NCDN: variants seen among roughly 807,000 people sequenced by gnomAD.
NCDN encodes the protein neurochondrin, also known as norbin.
Under a neutral mutation model 60.7 loss-of-function variants are expected in NCDN, and 9 were observed. The observed-to-expected ratio is 0.15, with a 90% CI of 0.09 to 0.26. NCDN has a LOEUF of 0.26. Ranked by LOEUF, NCDN falls within the 10% of genes least tolerant of loss-of-function variation. NCDN has a pLI of 1.00. For synonymous variants in NCDN, 409 were observed against 442.5 expected (o/e 0.92, Z 0.95); for missense variants, 578 against 975.2 (o/e 0.59, Z 5.42).
chr1:35,559,546 A>C (rs1648627508), intron 2 of NCDN, among the ~76,000 whole-genome samples: 1 of 152,102 alleles, frequency 6.6e-6, no homozygotes, highest in South Asian at 2.1e-4. Context: ...TAACTAGTGC[A>C]GAGTACTTGA....
chr1:35,564,999 T>C (rs1048224844), intron 6 of NCDN, among the ~76,000 whole-genome samples: 1 of 152,062 alleles, frequency 6.6e-6, no homozygotes, highest in Non-Finnish European at 1.5e-5. Flanking sequence ...TCACAACAAA[T>C]TTCTAAGATG....
Position 35,560,862 on chromosome 1 carries a change from G to A in NCDN, c.711G>A (p.Lys237=), listed in dbSNP as rs1165233398. The A allele has an allele frequency of 1.2e-6, 2 of 1,614,200 alleles. No homozygotes were observed. Among genetic ancestry groups the A allele is most frequent in the South Asian group, 1.1e-5 (1 of 91,086 alleles). ...EDFQKAEDAS[K]FELCQLLPLF... ...TCCAGAAAGCTGAGGATGCCAGCAA[G>A]TTTGAGCTCTGCCAGCTGCTGCCCC... Residue 237 remains lysine (K), a synonymous_variant, in exon 3 of 7, where the codon AAG becomes AAA. Coordinates refer to ENST00000373243, the MANE Select transcript of NCDN (RefSeq NM_014284.3). The surrounding 1 kb of genome is among the most constrained non-coding windows in gnomAD (Gnocchi z 7.6).
In NCDN at chr1:35,561,166, G is replaced by A; in HGVS notation, c.1015G>A (p.Ala339Thr). ...VKEDVVTACY[A>T]LMELGIQECT... ...AGAGGATGTGGTGACCGCCTGCTATGCCCTCATGGAGTTGGGGATCCAGGA... is the reference window on the plus strand; with the variant it reads ...AGAGGATGTGGTGACCGCCTGCTATACCCTCATGGAGTTGGGGATCCAGGA... The change falls in exon 3 of 7, where the codon GCC becomes ACC. Residue 339 changes from alanine to threonine, a missense_variant. By Grantham distance (58) the Ala-to-Thr change is moderately conservative. Coordinates refer to ENST00000373243, the MANE Select transcript of NCDN (RefSeq NM_014284.3). The surrounding 1 kb of genome is among the most constrained non-coding windows in gnomAD (Gnocchi z 4.9). 6.2e-7 allele frequency: 1 copy of A among 1,608,054 alleles called. No individual in the cohort carries two copies. Among genetic ancestry groups the A allele is most frequent in the East Asian group, 2.2e-5 (1 of 44,672 alleles).
Position 35,563,919 on chromosome 1 carries a change from G to A in NCDN, c.1753+10G>A. 2 of 1,612,598 alleles carry A rather than the reference G, an allele frequency of 1.2e-6. No individual in the cohort carries two copies. The highest frequency in any genetic ancestry group is 1.7e-6 in the Non-Finnish European group (2 of 1,179,218). ...CTTAGCACCTCTCCAGGTAAGAACT[G>A]GGGATCCAGTCCTGATGGGTGAGGA... On this transcript the variant is annotated intron_variant, in intron 6 of 6. Transcript: ENST00000373243. The surrounding 1 kb of genome is among the most constrained non-coding windows in gnomAD (Gnocchi z 6.6).
In NCDN at chr1:35,562,749, A is replaced by C; in HGVS notation, c.1385+116A>C. 1 of 1,369,024 alleles carries C rather than the reference A, an allele frequency of 7.3e-7. No homozygotes were observed. Among genetic ancestry groups the C allele is most frequent in the Non-Finnish European group, 9.7e-7 (1 of 1,025,642 alleles). 84.8% of individuals were successfully genotyped at this position (1,369,024 alleles called of 1,614,324 possible). A position where few individuals can be genotyped will look rare whatever the true frequency, so the allele number is the denominator to read the frequency against. On this transcript the variant is annotated intron_variant, in intron 4 of 6. Coordinates refer to ENST00000373243, the MANE Select transcript of NCDN (RefSeq NM_014284.3). This position sits in a 1 kb window ranked among gnomAD's most constrained non-coding sequence, Gnocchi z 6.8. ...AGGCTTCCTGATTGGGCCATGAGAT[A>C]TCCCTTAGGGTTATTTCTGTTTTGG...
In NCDN at chr1:35,561,018, A is replaced by C; in HGVS notation, c.867A>C (p.Ala289=). The change falls in exon 3 of 7, where the codon GCA becomes GCC. Residue 289 remains alanine (A), a synonymous_variant. Coordinates refer to ENST00000373243, the MANE Select transcript of NCDN (RefSeq NM_014284.3). The surrounding 1 kb of genome is among the most constrained non-coding windows in gnomAD (Gnocchi z 4.9). ...CACTGAAGCTGGCAGCCCGCCTGGC[A>C]CACGCCTGCGGCTCCGACTGGATCC... ...NPALKLAARL[A]HACGSDWIPA... is the part of the protein sequence containing the mutation. The C allele has an allele frequency of 2.5e-6, 4 of 1,612,852 alleles. 1 individual carries two copies. The Middle Eastern group carries it at 6.6e-4, about 266-fold the overall frequency.
Position 35,560,291 on chromosome 1 carries a change from C to G in NCDN, c.175-35C>G. On this transcript the variant is annotated intron_variant, in intron 2 of 6. Transcript: ENST00000373243. The surrounding 1 kb of genome is among the most constrained non-coding windows in gnomAD (Gnocchi z 7.6). ...AGAGGGACAGTCTTTCCCACTTCTT[C>G]CTTTCATCCTGATGATAGCACATAC... 6.3e-7 allele frequency: 1 copy of G among 1,590,188 alleles called. No homozygotes were observed. Among genetic ancestry groups the G allele is most frequent in the Non-Finnish European group, 8.6e-7 (1 of 1,167,894 alleles).
chr1:35,562,713 T>G lies in NCDN; in HGVS notation c.1385+80T>G. On this transcript the variant is annotated intron_variant, in intron 4 of 6. Transcript: ENST00000373243. The surrounding 1 kb of genome is among the most constrained non-coding windows in gnomAD (Gnocchi z 6.8). ...CACAAGGACACCCCTCCCCACAAAC[T>G]GAGCTGTGCCAGGCTTCCTGATTGG... 8 of 1,500,888 alleles carry G rather than the reference T, an allele frequency of 5.3e-6. No homozygotes were observed. The highest frequency in any genetic ancestry group is 7.2e-6 in the Non-Finnish European group (8 of 1,118,754). 93.0% of individuals were successfully genotyped at this position (1,500,888 alleles called of 1,614,324 possible). A position where few individuals can be genotyped will look rare whatever the true frequency, so the allele number is the denominator to read the frequency against.
At chr1:35,559,510 A>C (rs1480310217) in intron 2 of NCDN, among the ~76,000 whole-genome samples, 6 of 152,012 alleles carry the variant, frequency 3.9e-5, no homozygotes, top group Non-Finnish European at 5.9e-5. Context: ...ATGGAAGCTG[A>C]CTCATAGGGT....
intron 6 of NCDN, among the ~76,000 whole-genome samples, chr1:35,564,593 G>A (rs981325206): frequency 6.6e-5 from 10 of 152,170 alleles, no homozygotes; most frequent in Admixed American, 1.3e-4. Context: ...AGGGTACCCC[G>A]TCATGGGAAG....
chr1:35,558,430 G>A lies in NCDN; in HGVS notation c.33+207G>A. 5 of 1,438,186 alleles carry A rather than the reference G, an allele frequency of 3.5e-6. No homozygotes were observed. The highest frequency in any genetic ancestry group is 2.7e-5 in the Admixed American group (1 of 37,158). 89.1% of individuals were successfully genotyped at this position (1,438,186 alleles called of 1,614,324 possible). On this transcript the variant is annotated intron_variant, in intron 1 of 6. Transcript: ENST00000373243. This position sits in a 1 kb window ranked among gnomAD's most constrained non-coding sequence, Gnocchi z 6.3. Reference sequence around the variant, plus strand: ...GCAAGGGGTTAATTCTGCTGCTGCCGCCGCCGCTGCTGCTGCTGCTGCAGC... The same window carrying A: ...GCAAGGGGTTAATTCTGCTGCTGCCACCGCCGCTGCTGCTGCTGCTGCAGC...
Position 35,565,312 on chromosome 1 carries a change from G to T in NCDN, c.1839G>T (p.Pro613=). 1 of 1,614,106 alleles carries T rather than the reference G, an allele frequency of 6.2e-7. No homozygotes were observed. The highest frequency in any genetic ancestry group is 2.2e-5 in the East Asian group (1 of 44,880). ...AGTCCCACGTGGCGCGGGCCACCCCGGGCTCAGACCAGGCAGTGCTAGCCC... is the reference window on the plus strand; with the variant it reads ...AGTCCCACGTGGCGCGGGCCACCCCTGGCTCAGACCAGGCAGTGCTAGCCC... ...LSQSHVARAT[P]GSDQAVLALS... Residue 613 remains proline (P), a synonymous_variant, in exon 7 of 7, where the codon CCG becomes CCT. Coordinates refer to ENST00000373243, the MANE Select transcript of NCDN (RefSeq NM_014284.3). This position sits in a 1 kb window ranked among gnomAD's most constrained non-coding sequence, Gnocchi z 8.9.
chr1:35,559,304 G>A, intron 2 of NCDN, 57 bp downstream of exon 2: 5 of 1,609,872 alleles, frequency 3.1e-6, no homozygotes, highest in Non-Finnish European at 3.4e-6. Flanking sequence ...GGGCCCCCAA[G>A]GAATGGGGTC....
In NCDN at chr1:35,562,335, G is replaced by T. The variant is rs1411897238; in HGVS notation, c.1144-57G>T. 7 of 1,581,662 alleles carry T rather than the reference G, an allele frequency of 4.4e-6. No individual in the cohort carries two copies. Among genetic ancestry groups the T allele is most frequent in the Non-Finnish European group, 6.0e-6 (7 of 1,162,564 alleles). On this transcript the variant is annotated intron_variant, in intron 3 of 6. Transcript: ENST00000373243. The surrounding 1 kb of genome is among the most constrained non-coding windows in gnomAD (Gnocchi z 6.8). ...ATTATTTCTAGCTGGCTGGCCTCTGGCAAGGCAGGGAGGGTCCCTGGTCCT... is the reference window on the plus strand; with the variant it reads ...ATTATTTCTAGCTGGCTGGCCTCTGTCAAGGCAGGGAGGGTCCCTGGTCCT...
rs542560466 is a variant in NCDN, at chr1:35,559,648, G to A, written c.174+401G>A. ...TAGGGGAAGGCCAGGATGGCAGTAG[G>A]TAGGTTAAGGAATGGGAGCTAGTTT... On this transcript the variant is annotated intron_variant, in intron 2 of 6. Transcript: ENST00000373243. 7.2e-5 allele frequency among the ~76,000 whole-genome samples: 11 copies of A among 151,890 alleles called. No individual in the cohort carries two copies. The South Asian group carries it at 2.3e-3, about 32-fold the overall frequency.
Position 35,563,639 on chromosome 1 carries a change from C to T in NCDN, c.1611-128C>T, listed in dbSNP as rs1648776990. 8.3e-7 allele frequency: 1 copy of T among 1,205,246 alleles called. No individual in the cohort carries two copies. The highest frequency in any genetic ancestry group is 1.5e-5 in the African/African-American group (1 of 65,564). The allele number at this position is 1,205,246 out of a possible 1,614,324, so 74.7% of individuals were successfully genotyped here. On this transcript the variant is annotated intron_variant, in intron 5 of 6. Transcript: ENST00000373243. This position sits in a 1 kb window ranked among gnomAD's most constrained non-coding sequence, Gnocchi z 6.6. The stretch of plus-strand genomic sequence containing the variant: ...TCTCAGCATGTCTGCTTGTTCCAAT[C>T]TCTGCCCCCCAGATGCTATGTTTGG...
Position 35,558,378 on chromosome 1 carries a change from G to A in NCDN, c.33+155G>A, listed in dbSNP as rs1648482265. 3 of 1,507,416 alleles carry A rather than the reference G, an allele frequency of 2.0e-6. No individual in the cohort carries two copies. The highest frequency in any genetic ancestry group is 2.4e-5 in the East Asian group (1 of 42,330). 93.4% of individuals were successfully genotyped at this position (1,507,416 alleles called of 1,614,324 possible). A position where few individuals can be genotyped will look rare whatever the true frequency, so the allele number is the denominator to read the frequency against. ...CTGCCGGCATCCACAGGCTGGTAGCGGGACGGGGAGGGCGAGAAGAGGGAG... is the reference window on the plus strand; with the variant it reads ...CTGCCGGCATCCACAGGCTGGTAGCAGGACGGGGAGGGCGAGAAGAGGGAG... On this transcript the variant is annotated intron_variant, in intron 1 of 6. Transcript: ENST00000373243. The surrounding 1 kb of genome is among the most constrained non-coding windows in gnomAD (Gnocchi z 6.3).
In NCDN at chr1:35,566,629, CCACACACACACACACACACACACACACA is replaced by C. The variant is rs56974171; in HGVS notation, c.*990_*1017del. On this transcript the variant is annotated 3_prime_UTR_variant, in exon 7 of 7. Coordinates refer to ENST00000373243, the MANE Select transcript of NCDN (RefSeq NM_014284.3). The surrounding 1 kb of genome is among the most constrained non-coding windows in gnomAD (Gnocchi z 5.3). ...TACCTTTCTTATAAACCCAGGGGGA[CCACACACACACACACACACACACACACA>C]CACACACACACACACACACACACTC... 24 of 270,446 alleles carry C rather than the reference CCACACACACACACACACACACACACACA, an allele frequency of 8.9e-5. No individual in the cohort carries two copies. Among genetic ancestry groups the C allele is most frequent in the Middle Eastern group, 1.4e-3 (1 of 722 alleles). 16.8% of individuals were successfully genotyped at this position (270,446 alleles called of 1,614,324 possible). A position where few individuals can be genotyped will look rare whatever the true frequency, so the allele number is the denominator to read the frequency against.
chr1:35,566,222 C>T lies in NCDN; in HGVS notation c.*559C>T, dbSNP rs1332941773. The stretch of plus-strand genomic sequence containing the variant: ...TTCAGTGACCCAGGGTCTGAACTGC[C>T]TCCATCCTAGGGCAACCTGGGGCAG... On this transcript the variant is annotated 3_prime_UTR_variant, in exon 7 of 7. Transcript: ENST00000373243. The surrounding 1 kb of genome is among the most constrained non-coding windows in gnomAD (Gnocchi z 5.3). 6.0e-6 allele frequency: 1 copy of T among 165,910 alleles called. No homozygotes were observed. The highest frequency in any genetic ancestry group is 1.8e-4 in the East Asian group (1 of 5,634). The allele number at this position is 165,910 out of a possible 1,614,324, so 10.3% of individuals were successfully genotyped here. A position where few individuals can be genotyped will look rare whatever the true frequency, so the allele number is the denominator to read the frequency against.
Sources: allele counts gnomAD v4.1 joint callset (sites outside exome capture counted in the v4.1 genomes callset), GRCh38; gene constraint gnomAD v4.1.1; non-coding constraint Gnocchi (gnomAD v3.1); transcripts MANE v1.5; gene names NCBI Gene and HGNC (gene_info 2026-07-23, HGNC 2026-07-21).